Variants in PLXDC2 observed in about 807,000 individuals in gnomAD.
PLXDC2 encodes plexin domain containing 2.
A neutral mutation model predicts 68.9 loss-of-function variants in PLXDC2; 40 were observed. The observed-to-expected ratio is 0.58, with a 90% confidence interval of 0.45 to 0.76. PLXDC2 has a LOEUF of 0.76. Among genes scored for constraint, PLXDC2 ranks in the 30% least tolerant of loss-of-function variants. The pLI, the probability that PLXDC2 is intolerant of heterozygous loss-of-function variation, is 0.00. For missense variants in PLXDC2, 644 were observed against 661.9 expected (o/e 0.97, Z 0.30); for synonymous variants, 243 against 234.2 (o/e 1.04, Z -0.34).
At chr10:19,924,099 C>T (rs1424863228) in intron 1 of PLXDC2, among the ~76,000 whole-genome samples, 5 of 152,126 alleles carry the variant, frequency 3.3e-5, no homozygotes, top group African/African-American at 1.2e-4. Context: ...TTTACCCAAC[C>T]TCTCCTCCCA....
At chr10:19,951,997 T>C (rs976878674) in intron 1 of PLXDC2, among the ~76,000 whole-genome samples, 5 of 151,706 alleles carry the variant, frequency 3.3e-5, no homozygotes, top group African/African-American at 4.8e-5. Flanking sequence ...GACTACACGG[T>C]GAGGGGGGAA....
At chr10:20,275,760 A>G (rs1232612616) in intron 13 of PLXDC2, among the ~76,000 whole-genome samples, 1 of 152,092 alleles carries the variant, frequency 6.6e-6, no homozygotes. Flanking sequence ...TAAAAATACA[A>G]AAATTAGCTG....
At chr10:20,157,062 G>C (rs940183098) in intron 6 of PLXDC2, among the ~76,000 whole-genome samples, 1 of 152,196 alleles carries the variant, frequency 6.6e-6, no homozygotes, top group Non-Finnish European at 1.5e-5. Context: ...TTGTGCTACA[G>C]GTTGTTGTTT....
intron 4 of PLXDC2, among the ~76,000 whole-genome samples, chr10:20,095,866 G>T (rs1261540202): frequency 6.6e-6 from 1 of 152,162 alleles, no homozygotes; most frequent in African/African-American, 2.4e-5. Flanking sequence ...TTCTGAAGAT[G>T]AGATGACTTA....
intron 1 of PLXDC2, among the ~76,000 whole-genome samples, chr10:19,883,208 C>A (rs547536467): frequency 6.6e-6 from 1 of 152,050 alleles, no homozygotes; most frequent in Non-Finnish European, 1.5e-5. Context: ...ATGATCCGCC[C>A]GCCTTGGCCT....
intron 3 of PLXDC2, among the ~76,000 whole-genome samples, chr10:20,058,372 C>T (rs1836038244): frequency 6.6e-6 from 1 of 152,116 alleles, no homozygotes; most frequent in African/African-American, 2.4e-5. Flanking sequence ...TGAGTCCTCA[C>T]TTTGCCAACT....
chr10:20,190,244 T>C (rs867389794), intron 9 of PLXDC2, among the ~76,000 whole-genome samples: 17 of 151,958 alleles, frequency 1.1e-4, no homozygotes, highest in African/African-American at 3.6e-4. Context: ...ATATGGAGTA[T>C]CTAAATGGAG....
At position 19,899,502 on chromosome 10, in the gene PLXDC2, C is replaced by T. The variant is rs962316806; in HGVS notation, c.112+82311C>T. ...ATTAATGCAGGATTTTTTGATTGCACGTATTATATGAGAATAAATACTCAT... is the reference window on the plus strand; with the variant it reads ...ATTAATGCAGGATTTTTTGATTGCATGTATTATATGAGAATAAATACTCAT... On this transcript the variant is annotated intron_variant, in intron 1 of 13. Transcript: ENST00000377252. 5.9e-5 allele frequency among the ~76,000 whole-genome samples: 9 copies of T among 152,064 alleles called. No homozygotes were observed. The South Asian group carries it at 6.2e-4, about 11-fold the overall frequency.
At chr10:20,209,694 C>T (rs1195748540) in intron 9 of PLXDC2, among the ~76,000 whole-genome samples, 1 of 152,016 alleles carries the variant, frequency 6.6e-6, no homozygotes, top group Non-Finnish European at 1.5e-5. Context: ...TCTCAAGGCG[C>T]CCAGATGTCA....
At chr10:20,189,982 G>T (rs528336092) in intron 9 of PLXDC2, among the ~76,000 whole-genome samples, 1 of 151,698 alleles carries the variant, frequency 6.6e-6, no homozygotes, top group South Asian at 2.1e-4. Flanking sequence ...GAAATATCAA[G>T]ACATTCTTTT....
intron 4 of PLXDC2, among the ~76,000 whole-genome samples, chr10:20,125,113 T>C (rs537196737): frequency 2.2e-4 from 33 of 152,096 alleles, no homozygotes; most frequent in African/African-American, 8.0e-4. Context: ...CCCAGCTTGA[T>C]CCCAGTAATG....
chr10:20,212,721 C>T lies in PLXDC2; in HGVS notation c.1122+992C>T, dbSNP rs545633871. On this transcript the variant is annotated intron_variant, in intron 10 of 13. Transcript: ENST00000377252. ...TGAGCAATACATTTTTAAAAACATT[C>T]TTGAACTTTAAATGCAGTATTGCCA... Among the ~76,000 whole-genome samples the T allele has an allele frequency of 7.9e-5, 12 of 152,206 alleles. No individual in the cohort carries two copies. The South Asian group carries it at 1.2e-3, about 16-fold the overall frequency.
intron 1 of PLXDC2, among the ~76,000 whole-genome samples, chr10:19,937,544 G>GTATATATATA (rs71388881): frequency 0.011 from 1,037 of 95,802 alleles, 34 homozygotes; most frequent in African/African-American, 0.013. Context: ...TATAGTCAAT[G>GTATATATATA]TATATATATA....
At chr10:20,249,035 G>T (rs1279320074) in intron 13 of PLXDC2, among the ~76,000 whole-genome samples, 1 of 152,076 alleles carries the variant, frequency 6.6e-6, no homozygotes, top group East Asian at 1.9e-4. Context: ...ATTTTCTTCT[G>T]GAATTTTTAT....
At chr10:20,109,499 A>G (rs1402150526) in intron 4 of PLXDC2, among the ~76,000 whole-genome samples, 1 of 152,222 alleles carries the variant, frequency 6.6e-6, no homozygotes, top group Non-Finnish European at 1.5e-5. Context: ...CACTGAAAAC[A>G]TTAAGAACTC....
chr10:20,152,655 C>T (rs1834166895), intron 6 of PLXDC2, among the ~76,000 whole-genome samples: 1 of 152,046 alleles, frequency 6.6e-6, no homozygotes, highest in Admixed American at 6.6e-5. Context: ...ATAAAATTAA[C>T]TATAACATCT....
intron 13 of PLXDC2, among the ~76,000 whole-genome samples, chr10:20,269,464 GT>G (rs1249940212): frequency 6.6e-6 from 1 of 152,160 alleles, no homozygotes; most frequent in Non-Finnish European, 1.5e-5. Flanking sequence ...TTTGTGCAGG[GT>G]TTTGAAAGGG....
At chr10:20,005,316 A>C (rs747170595) in intron 2 of PLXDC2, among the ~76,000 whole-genome samples, 59 of 152,252 alleles carry the variant, frequency 3.9e-4, no homozygotes, top group Middle Eastern at 6.8e-3. Flanking sequence ...TACTAAGAAC[A>C]CTGCTTTTAT....
intron 13 of PLXDC2, among the ~76,000 whole-genome samples, chr10:20,275,133 T>C (rs1213210938): frequency 6.6e-6 from 1 of 152,082 alleles, no homozygotes; most frequent in East Asian, 1.9e-4. Context: ...TTGACCTGGG[T>C]GCAAAAACAA....
Sources: gnomAD v4.1 joint callset for allele counts (sites outside exome capture counted in the v4.1 genomes callset) on GRCh38, gnomAD v4.1.1 for gene constraint, MANE v1.5 for transcripts, NCBI Gene and HGNC (gene_info 2026-07-23, HGNC 2026-07-21) for gene names.